NR4A1: variants seen among roughly 807,000 people sequenced by gnomAD.
The protein encoded by NR4A1 is nuclear receptor subfamily 4 group A member 1, also known as nuclear receptor subfamily 4immunitygroup A member 1.
In NR4A1, 24 loss-of-function variants were observed where a neutral mutation model predicts 47.5. That is an observed-to-expected ratio of 0.50 (90% CI 0.37 to 0.71). The LOEUF (loss-of-function observed/expected upper bound fraction) is 0.71, where lower values mean the gene tolerates loss of function less well. NR4A1 is among the 30% of genes least tolerant of loss of function. The pLI is 0.00. For missense variants in NR4A1, 669 were observed against 788.6 expected (o/e 0.85, Z 1.82); for synonymous variants, 353 against 345.7 (o/e 1.02, Z -0.24).
chr12:52,038,569 G>A, intron 1 of NR4A1: 3 of 622,944 alleles, frequency 4.8e-6, no homozygotes, highest in East Asian at 2.8e-5. Context: ...GGCTGTCGTC[G>A]GCCTGGCTTG....
At chr12:52,040,232 G>T (rs951377202) in intron 1 of NR4A1, among the ~76,000 whole-genome samples, 1 of 152,260 alleles carries the variant, frequency 6.6e-6, no homozygotes, top group South Asian at 2.1e-4. Flanking sequence ...GGGGCATTTT[G>T]ATCTGGAACA....
intron 1 of NR4A1, among the ~76,000 whole-genome samples, chr12:52,025,586 G>T (rs574662003): frequency 6.3e-4 from 96 of 152,268 alleles, no homozygotes; most frequent in African/African-American, 2.3e-3. Flanking sequence ...TTCGCTAGCA[G>T]CTCACCCGGC....
At chr12:52,056,725 C>G (rs151059779) in intron 4 of NR4A1, 80 bp downstream of exon 4, 222 of 1,411,332 alleles carry the variant, frequency 1.6e-4, no homozygotes, top group East Asian at 3.5e-4. Flanking sequence ...AGAGCTACCC[C>G]CTCTGGAAGG....
chr12:52,038,750 G>T, intron 1 of NR4A1: 1 of 764,770 alleles, frequency 1.3e-6, no homozygotes, highest in Non-Finnish European at 2.4e-6. Flanking sequence ...CTAATTGAAG[G>T]TAACTGGGCA....
intron 1 of NR4A1, among the ~76,000 whole-genome samples, chr12:52,040,021 C>T (rs1465227363): frequency 6.6e-6 from 1 of 152,126 alleles, no homozygotes; most frequent in Non-Finnish European, 1.5e-5. Flanking sequence ...ATTTTGGGGG[C>T]CACTTTCTCC....
At chr12:52,052,629 C>G (rs540372669) in intron 1 of NR4A1, 41 of 985,646 alleles carry the variant, frequency 4.2e-5, no homozygotes, top group South Asian at 3.3e-4. Flanking sequence ...CTGCTCCCCC[C>G]TCCTGTGAGG....
chr12:52,051,098 C>CCTAG (rs1565648683), upstream of NR4A1, among the ~76,000 whole-genome samples: 2 of 152,202 alleles, frequency 1.3e-5, no homozygotes, highest in Admixed American at 6.5e-5. Flanking sequence ...GGGCCCCCAG[C>CCTAG]TGGGACCCGA....
At chr12:52,029,802 G>T (rs548961830) in intron 1 of NR4A1, among the ~76,000 whole-genome samples, 5 of 152,240 alleles carry the variant, frequency 3.3e-5, no homozygotes, top group Admixed American at 2.0e-4. Context: ...GTTCCCTCCC[G>T]CCTGCCTCAT....
At chr12:52,047,343 C>G, upstream of NR4A1, among the ~76,000 whole-genome samples, 1 of 152,334 alleles carries the variant, frequency 6.6e-6, no homozygotes, top group African/African-American at 2.4e-5. Flanking sequence ...CCCACTCTCT[C>G]AGAGGCCCAG....
At position 52,054,806 on chromosome 12, in the gene NR4A1, C is replaced by T. The variant is rs889835458; in HGVS notation, c.478C>T (p.His160Tyr). 5.0e-6 allele frequency: 8 copies of T among 1,613,288 alleles called. No homozygotes were observed. Among genetic ancestry groups the T allele is most frequent in the African/African-American group, 4.0e-5 (3 of 74,918 alleles). The change falls in exon 2 of 7, where the codon CAC becomes TAC. Residue 160 changes from histidine to tyrosine, a missense_variant. Coordinates refer to ENST00000394825, the MANE Select transcript of NR4A1 (RefSeq NM_173157.3). Reference protein sequence around the residue: ...QLSPWDGSFGHFSPSQTYEGL... With the variant: ...QLSPWDGSFGYFSPSQTYEGL... ...CTCTCCCTGGGATGGCTCCTTCGGC[C>T]ACTTCTCGCCCAGCCAGACTTACGA... is the stretch of plus-strand genomic sequence containing the variant.
At chr12:52,034,271 A>G (rs965968577) in intron 1 of NR4A1, among the ~76,000 whole-genome samples, 1 of 152,138 alleles carries the variant, frequency 6.6e-6, no homozygotes, top group Non-Finnish European at 1.5e-5. Context: ...ATTCTACCCC[A>G]ATGCCAGCTC....
chr12:52,054,668 G>A lies in NR4A1; in HGVS notation c.340G>A (p.Gly114Ser), dbSNP rs961528907. ...EDFQVYGCYP[G>S]PLSGPVDEAL... ...CTTCCAGGTGTACGGCTGCTACCCC[G>A]GCCCCCTGAGCGGCCCAGTGGATGA... The change falls in exon 2 of 7, where the codon GGC becomes AGC. Residue 114 changes from glycine to serine, a missense_variant. By Grantham distance (56) the Gly-to-Ser change is moderately conservative. Transcript: ENST00000394825. 5.6e-6 allele frequency: 9 copies of A among 1,613,898 alleles called. No individual in the cohort carries two copies. Among genetic ancestry groups the A allele is most frequent in the East Asian group, 2.2e-5 (1 of 44,888 alleles).
At chr12:52,057,008 G>C (rs761516542) in intron 4 of NR4A1, 49 bp from the exon 5 acceptor site, 12 of 1,503,272 alleles carry the variant, frequency 8.0e-6, no homozygotes, top group Non-Finnish European at 1.1e-5. Context: ...CGTGGCAGTG[G>C]GTGTAGGAGC....
At chr12:52,055,235 TTGGAAA>T in intron 2 of NR4A1, 31 bp downstream of exon 2, 1 of 1,606,462 alleles carries the variant, frequency 6.2e-7, no homozygotes, top group Non-Finnish European at 8.5e-7. Context: ...GGGCCTTTTG[TTGGAAA>T]TGGAGAGAGG....
chr12:52,045,735 G>A (rs1384265871), intron 2 of NR4A1, among the ~76,000 whole-genome samples: 2 of 152,204 alleles, frequency 1.3e-5, no homozygotes, highest in African/African-American at 2.4e-5. Flanking sequence ...GGAGGAGTGC[G>A]GCCACTAGCT....
upstream of NR4A1, among the ~76,000 whole-genome samples, chr12:52,046,713 G>A (rs1311882942): frequency 3.3e-5 from 5 of 152,198 alleles, no homozygotes; most frequent in Non-Finnish European, 5.9e-5. Flanking sequence ...GCCGGGCACG[G>A]TGACTCACGC....
chr12:52,041,272 G>A (rs986929644), intron 1 of NR4A1, among the ~76,000 whole-genome samples: 1 of 152,102 alleles, frequency 6.6e-6, no homozygotes, highest in African/African-American at 2.4e-5. Context: ...GAGGTACAAA[G>A]AGATTATGTA....
At chr12:52,049,050 C>T (rs938909999), upstream of NR4A1, among the ~76,000 whole-genome samples, 18 of 152,160 alleles carry the variant, frequency 1.2e-4, no homozygotes, top group East Asian at 3.9e-4. Flanking sequence ...GATGCATTCA[C>T]GTTGAGACTG....
chr12:52,032,910 G>C (rs1163478166), intron 1 of NR4A1, among the ~76,000 whole-genome samples: 1 of 152,162 alleles, frequency 6.6e-6, no homozygotes, highest in African/African-American at 2.4e-5. Flanking sequence ...GCACTCTACA[G>C]ATTTCGGGAC....
Sources: allele counts gnomAD v4.1 joint callset (sites outside exome capture counted in the v4.1 genomes callset), GRCh38; gene constraint gnomAD v4.1.1; transcripts MANE v1.5; gene names NCBI Gene and HGNC (gene_info 2026-07-23, HGNC 2026-07-21).